Variants in TRERF1 observed in about 807,000 individuals in gnomAD.
TRERF1 encodes transcriptional-regulating factor 1.
Under a neutral mutation model 122.9 loss-of-function variants are expected in TRERF1, and 27 were observed. The ratio of observed to expected loss-of-function variants is 0.22; its 90% CI spans 0.16 to 0.30. The LOEUF (loss-of-function observed/expected upper bound fraction) is 0.30. Among genes scored for constraint, TRERF1 ranks in the 10% least tolerant of loss-of-function variants. The pLI is 1.00. For synonymous variants in TRERF1, 636 were observed against 641.7 expected, an observed-to-expected ratio of 0.99 and a Z score of 0.13; for missense variants, 1,248 against 1,560.3, an observed-to-expected ratio of 0.80 and a Z score of 3.37.
At chr6:42,436,814 AATATATATATATAT>A (rs56057543) in intron 2 of TRERF1, among the ~76,000 whole-genome samples, 3 of 66,694 alleles carry the variant, frequency 4.5e-5, no homozygotes, top group Non-Finnish European at 8.2e-5. Context: ...AAAAAAAAAA[AATATATATATATAT>A]ATATATATAT....
intron 2 of TRERF1, among the ~76,000 whole-genome samples, chr6:42,415,407 G>A (rs1192137969): frequency 6.6e-6 from 1 of 152,138 alleles, no homozygotes; most frequent in Non-Finnish European, 1.5e-5. Context: ...AAATGTATCA[G>A]TCTTTTATGT....
chr6:42,298,125 A>G (rs1368773149), intron 4 of TRERF1, among the ~76,000 whole-genome samples: 1 of 151,948 alleles, frequency 6.6e-6, no homozygotes, highest in Non-Finnish European at 1.5e-5. Context: ...AGTTAAATAG[A>G]AGATAGTTGT....
At chr6:42,321,152 C>CAAA (rs34358572) in intron 3 of TRERF1, among the ~76,000 whole-genome samples, 2 of 103,448 alleles carry the variant, frequency 1.9e-5, no homozygotes, top group African/African-American at 6.6e-5. Context: ...TCTTCCAAGC[C>CAAA]AAAAAAAAAA....
At chr6:42,281,023 G>T (rs1377334498) in intron 4 of TRERF1, among the ~76,000 whole-genome samples, 1 of 152,150 alleles carries the variant, frequency 6.6e-6, no homozygotes, top group Non-Finnish European at 1.5e-5. Context: ...GATGATGAAG[G>T]TTGGCTTCTG....
At chr6:42,396,328 C>G (rs775447393) in intron 2 of TRERF1, among the ~76,000 whole-genome samples, 1 of 152,020 alleles carries the variant, frequency 6.6e-6, no homozygotes, top group East Asian at 1.9e-4. Flanking sequence ...CAAATCTGGG[C>G]CCCCACCCCT....
chr6:42,299,200 T>TTCTAACTA (rs141614465), intron 4 of TRERF1, among the ~76,000 whole-genome samples: 24 of 146,712 alleles, frequency 1.6e-4, no homozygotes, highest in African/African-American at 6.1e-4. Flanking sequence ...GTCTGTTTTT[T>TTCTAACTA]TCTATCTATC....
rs1779695796 is a variant in TRERF1 at position 42,268,755 on chromosome 6, C to G, written c.836G>C (p.Gly279Ala). 6.2e-7 allele frequency: 1 copy of G among 1,613,992 alleles called. No homozygotes were observed. The highest frequency in any genetic ancestry group is 1.3e-5 in the African/African-American group (1 of 74,870). The stretch of plus-strand genomic sequence containing the variant: ...TTCTTGCATGGAGATACGCTGTTGC[C>G]CGGCTTGCTGCTGTTGCTGCGGTGG... Residue 279 changes from glycine to alanine, a missense_variant, in exon 5 of 18, where the codon GGG becomes GCG. Coordinates refer to ENST00000372922, the Ensembl canonical transcript of TRERF1. This position sits in a 1 kb window ranked among gnomAD's most constrained non-coding sequence, Gnocchi z 4.4.
At chr6:42,239,064 G>C (rs1772991972) in intron 15 of TRERF1, among the ~76,000 whole-genome samples, 1 of 152,076 alleles carries the variant, frequency 6.6e-6, no homozygotes, top group African/African-American at 2.4e-5. Context: ...ACAGGTGCAT[G>C]TTTATCCATC....
At chr6:42,444,788 T>C (rs1194606017) in intron 2 of TRERF1, among the ~76,000 whole-genome samples, 3 of 152,146 alleles carry the variant, frequency 2.0e-5, no homozygotes, top group Non-Finnish European at 4.4e-5. Flanking sequence ...CTTGTGCACA[T>C]CCTTCCAGCT....
chr6:42,300,353 A>G (rs1274464925), intron 4 of TRERF1, among the ~76,000 whole-genome samples: 1 of 152,076 alleles, frequency 6.6e-6, no homozygotes, highest in African/African-American at 2.4e-5. Context: ...TGGATACCCC[A>G]TCCTGTAAGA....
chr6:42,328,870 C>G (rs1458881138), intron 3 of TRERF1, among the ~76,000 whole-genome samples: 1 of 152,130 alleles, frequency 6.6e-6, no homozygotes, highest in Non-Finnish European at 1.5e-5. Context: ...CCAGCTCATG[C>G]TCACCTGAGA....
chr6:42,444,542 C>T (rs943140356), intron 2 of TRERF1, among the ~76,000 whole-genome samples: 3 of 152,036 alleles, frequency 2.0e-5, no homozygotes, highest in African/African-American at 7.2e-5. Context: ...CCACAGAGTC[C>T]CCTGCCTGCC....
At chr6:42,407,522 T>C (rs1562150632) in intron 2 of TRERF1, among the ~76,000 whole-genome samples, 1 of 152,196 alleles carries the variant, frequency 6.6e-6, no homozygotes, top group African/African-American at 2.4e-5. Context: ...CAAGAACTCC[T>C]GTGATCTAAT....
At position 42,259,880 on chromosome 6, in the gene TRERF1, T is replaced by C. The variant is rs1166971360; in HGVS notation, c.1885-157A>G. On this transcript the variant is annotated intron_variant, in intron 8 of 17. Coordinates refer to ENST00000372922, the Ensembl canonical transcript of TRERF1. This position sits in a 1 kb window ranked among gnomAD's most constrained non-coding sequence, Gnocchi z 4.9. ...CCCCACATTCTGACCACATCCATTT[T>C]AGGCAAAGCGAGTTCTGGTTGCTAG... Among the ~76,000 whole-genome samples, 1 of 152,056 alleles carries C rather than the reference T, an allele frequency of 6.6e-6. No individual in the cohort carries two copies. The highest frequency in any genetic ancestry group is 1.9e-4 in the East Asian group (1 of 5,178).
chr6:42,430,677 C>T (rs1784363624), intron 2 of TRERF1, among the ~76,000 whole-genome samples: 1 of 151,988 alleles, frequency 6.6e-6, no homozygotes, highest in Non-Finnish European at 1.5e-5. Flanking sequence ...GGGTGGATCA[C>T]GAGGTCAGGA....
Position 42,259,649 on chromosome 6 carries a change from C to G in TRERF1, c.1959G>C (p.Lys653Asn). The change falls in exon 9 of 18, where the codon AAG becomes AAC. Residue 653 changes from lysine to asparagine, a missense_variant. By Grantham distance (94) the Lys-to-Asn change is moderately conservative (BLOSUM62 0). Coordinates refer to ENST00000372922, the Ensembl canonical transcript of TRERF1. The surrounding 1 kb of genome is among the most constrained non-coding windows in gnomAD (Gnocchi z 4.9). ...AGAGAGGTTCCGGCCGGTGCCGGAACTTTTTCTTCTCCTGCACGGTCTTGA... is the reference window on the plus strand; with the variant it reads ...AGAGAGGTTCCGGCCGGTGCCGGAAGTTTTTCTTCTCCTGCACGGTCTTGA... The G allele has an allele frequency of 6.2e-7, 1 of 1,612,406 alleles. No individual in the cohort carries two copies. The highest frequency in any genetic ancestry group is 8.5e-7 in the Non-Finnish European group (1 of 1,180,004).
intron 7 of TRERF1, among the ~76,000 whole-genome samples, chr6:42,264,160 A>C (rs1397702133): frequency 6.6e-6 from 1 of 152,262 alleles, no homozygotes; most frequent in Non-Finnish European, 1.5e-5. Context: ...TAATTCTGAG[A>C]AAATTTTTTG....
chr6:42,339,622 C>T (rs1766865395), intron 3 of TRERF1, among the ~76,000 whole-genome samples: 1 of 152,242 alleles, frequency 6.6e-6, no homozygotes, highest in African/African-American at 2.4e-5. Flanking sequence ...GGATATTTCA[C>T]AAGTGTGTTT....
rs1778133597 is a variant in TRERF1, at chr6:42,393,786, A to G, written c.-453-30707T>C. Reference sequence around the variant, plus strand: ...TGCCACCACAGAAAGTCAGGTTTTAAAAGAGCAGTGTACAACTAGGAAATC... The same window carrying G: ...TGCCACCACAGAAAGTCAGGTTTTAGAAGAGCAGTGTACAACTAGGAAATC... On this transcript the variant is annotated intron_variant, in intron 2 of 17. Coordinates refer to ENST00000372922, the Ensembl canonical transcript of TRERF1. The surrounding 1 kb of genome is among the most constrained non-coding windows in gnomAD (Gnocchi z 4.1). Among the ~76,000 whole-genome samples the G allele has an allele frequency of 6.6e-6, 1 of 152,244 alleles. No homozygotes were observed. The highest frequency in any genetic ancestry group is 1.5e-5 in the Non-Finnish European group (1 of 68,048).
Sources: gnomAD v4.1 joint callset for allele counts (sites outside exome capture counted in the v4.1 genomes callset) on GRCh38, gnomAD v4.1.1 for gene constraint, Gnocchi (gnomAD v3.1) non-coding constraint, MANE v1.5 for transcripts, NCBI Gene and HGNC (gene_info 2026-07-23, HGNC 2026-07-21) for gene names.